The following ESPN variants were observed in gnomAD, a reference collection of about 807,000 sequenced individuals.
ESPN encodes the protein autosomal recessive deafness type 36 protein.
A neutral mutation model predicts 77.7 loss-of-function variants in ESPN; 68 were observed. The ratio of observed to expected loss-of-function variants is 0.87; its 90% confidence interval spans 0.72 to 1.07. The LOEUF (loss-of-function observed/expected upper bound fraction) is 1.07, where lower values mean the gene tolerates loss of function less well. ESPN is among the 50% of genes least tolerant of loss of function. The probability of loss-of-function intolerance (pLI) is 0.00; values close to 1 mark genes in which losing one functional copy is unlikely to be tolerated. For missense variants in ESPN, 1,060 were observed against 1,239.0 expected, an observed-to-expected ratio of 0.86 and a Z score of 2.17; for synonymous variants, 449 against 567.1, an observed-to-expected ratio of 0.79 and a Z score of 2.96.
chr1:6,455,672 C>G, intron 10 of ESPN: 1 of 399,126 alleles, frequency 2.5e-6, no homozygotes, highest in Non-Finnish European at 4.4e-6. Context: ...TCCAGCTACT[C>G]GAGATGGGCC....
chr1:6,438,054 G>A (rs1048642646), intron 2 of ESPN, among the ~76,000 whole-genome samples: 2 of 152,064 alleles, frequency 1.3e-5, no homozygotes, highest in African/African-American at 2.4e-5. Flanking sequence ...TGATCTAGGG[G>A]GTGAAACACT....
At chr1:6,444,361 G>C in intron 5 of ESPN, 120 bp from the exon 6 acceptor site, 1 of 935,790 alleles carries the variant, frequency 1.1e-6, no homozygotes, top group Non-Finnish European at 1.7e-6. Context: ...AGAGACCCCA[G>C]AGAGCGGTGT....
At chr1:6,439,956 C>T (rs986149017) in intron 2 of ESPN, among the ~76,000 whole-genome samples, 22 of 152,224 alleles carry the variant, frequency 1.4e-4, no homozygotes, top group Middle Eastern at 6.8e-3. Flanking sequence ...TTGCAGTGAG[C>T]CAAGATCGAG....
At chr1:6,440,545 G>GC (rs1200562935) in intron 3 of ESPN, 81 bp from the exon 4 acceptor site, 3 of 741,120 alleles carry the variant, frequency 4.0e-6, no homozygotes, top group Non-Finnish European at 5.4e-6. Context: ...GGGCGGGGGC[G>GC]GGCCACGGAG....
In ESPN at chr1:6,460,883, AC is replaced by A; in HGVS notation, c.*740del. ...TCTCCAACTGCTGCACCCCATCCCGACCCTGTCTCCGCCACCTCGCAGCCCC... is the reference window on the plus strand; with the variant it reads ...TCTCCAACTGCTGCACCCCATCCCGACCTGTCTCCGCCACCTCGCAGCCCC... On this transcript the variant is annotated 3_prime_UTR_variant, in exon 13 of 13. Transcript: ENST00000645284. 6.0e-6 allele frequency: 2 copies of A among 332,856 alleles called. No individual in the cohort carries two copies. Among genetic ancestry groups the A allele is most frequent in the Non-Finnish European group, 6.0e-6 (1 of 166,796 alleles). 20.6% of individuals were successfully genotyped at this position (332,856 alleles called of 1,614,324 possible).
In ESPN at chr1:6,428,285, G is replaced by A. The variant is rs1643113654; in HGVS notation, c.354G>A (p.Glu118=). ...LHLAARFGHP[E]VVNWLLHHGG... Reference sequence around the variant, plus strand: ...TGGCTGCCCGCTTCGGCCACCCCGAGGTGGTGAACTGGCTCTTGCATCATG... The same window carrying A: ...TGGCTGCCCGCTTCGGCCACCCCGAAGTGGTGAACTGGCTCTTGCATCATG... The change falls in exon 2 of 13, where the codon GAG becomes GAA. Residue 118 remains glutamate, a synonymous_variant. Coordinates refer to ENST00000645284, the MANE Select transcript of ESPN (RefSeq NM_031475.3). The surrounding 1 kb of genome is among the most constrained non-coding windows in gnomAD (Gnocchi z 5.4). 6.2e-7 allele frequency: 1 copy of A among 1,613,462 alleles called. No homozygotes were observed.
intron 2 of ESPN, among the ~76,000 whole-genome samples, chr1:6,430,256 T>C (rs1643192414): frequency 6.6e-6 from 1 of 152,142 alleles, no homozygotes; most frequent in African/African-American, 2.4e-5. Context: ...GGCTCAGCTC[T>C]CTCGCTGGCG....
intron 10 of ESPN, among the ~76,000 whole-genome samples, chr1:6,453,690 G>A (rs1195256271): frequency 1.3e-5 from 2 of 152,176 alleles, no homozygotes; most frequent in African/African-American, 4.8e-5. Flanking sequence ...CTGGGGAGCC[G>A]GGTGCGGGGA....
intron 2 of ESPN, among the ~76,000 whole-genome samples, chr1:6,435,860 G>A (rs1160703118): frequency 2.0e-5 from 3 of 152,216 alleles, no homozygotes; most frequent in African/African-American, 7.2e-5. Flanking sequence ...CTGTGCTCAG[G>A]GCTCTGCCAG....
intron 10 of ESPN, 105 bp downstream of exon 10, chr1:6,452,201 T>C (rs1643959664): frequency 3.9e-6 from 5 of 1,288,210 alleles, no homozygotes; most frequent in Non-Finnish European, 5.2e-6. Flanking sequence ...CCATTTTCTT[T>C]CTTTTTTTTT....
rs376555628 is a variant in ESPN at position 6,427,405 on chromosome 1, A to G, written c.295-821A>G. Reference sequence around the variant, plus strand: ...CCAGCCCCTTTCTCAGCAGACACACACAATGGGGTGTGCACTGATGACACA... The same window carrying G: ...CCAGCCCCTTTCTCAGCAGACACACGCAATGGGGTGTGCACTGATGACACA... On this transcript the variant is annotated intron_variant, in intron 1 of 12. Transcript: ENST00000645284. This position sits in a 1 kb window ranked among gnomAD's most constrained non-coding sequence, Gnocchi z 4.6. 2.0e-4 allele frequency among the ~76,000 whole-genome samples: 30 copies of G among 152,104 alleles called. No individual in the cohort carries two copies. The highest frequency in any genetic ancestry group is 6.0e-4 in the African/African-American group (25 of 41,424).
intron 1 of ESPN, among the ~76,000 whole-genome samples, chr1:6,425,743 C>A (rs1016723695): frequency 2.6e-5 from 4 of 152,248 alleles, no homozygotes; most frequent in Non-Finnish European, 4.4e-5. Flanking sequence ...CCCCATAACC[C>A]AGGCTGACCC....
Position 6,447,141 on chromosome 1 carries a change from C to CGT in ESPN, c.1464+1206_1464+1207insGT, listed in dbSNP as rs1387838343. 7 of 152,838 alleles carry CGT rather than the reference C, an allele frequency of 4.6e-5. No individual in the cohort carries two copies. Among genetic ancestry groups the CGT allele is most frequent in the African/African-American group, 1.7e-4 (7 of 40,864 alleles). The allele number at this position is 152,838 out of a possible 1,614,324, so 9.5% of individuals were successfully genotyped here. A position where few individuals can be genotyped will look rare whatever the true frequency, so the allele number is the denominator to read the frequency against. ...GTGGTCCCCTCCTGGCTGTGTGAGCCCCCTCCCGGCTGTGTGCGTCCCTCC... is the reference window on the plus strand; with the variant it reads ...GTGGTCCCCTCCTGGCTGTGTGAGCCGTCCCTCCCGGCTGTGTGCGTCCCTCC... On this transcript the variant is annotated intron_variant, in intron 7 of 12. Transcript: ENST00000645284. This position sits in a 1 kb window ranked among gnomAD's most constrained non-coding sequence, Gnocchi z 5.2.
intron 8 of ESPN, 78 bp downstream of exon 8, chr1:6,449,169 C>A: frequency 7.5e-7 from 1 of 1,341,990 alleles, no homozygotes; most frequent in South Asian, 1.6e-5. Context: ...CGCCCCCTCC[C>A]CAGCTGTCAC....
At chr1:6,438,107 G>A (rs1224490979) in intron 2 of ESPN, among the ~76,000 whole-genome samples, 2 of 152,114 alleles carry the variant, frequency 1.3e-5, no homozygotes, top group African/African-American at 4.8e-5. Flanking sequence ...GTGAAGAATT[G>A]GCCTCCTAAG....
intron 2 of ESPN, among the ~76,000 whole-genome samples, chr1:6,438,027 G>A (rs1186989310): frequency 3.9e-5 from 6 of 152,084 alleles, no homozygotes; most frequent in African/African-American, 1.2e-4. Context: ...GGATGAATGC[G>A]GGGTGGAGCA....
intron 1 of ESPN, 104 bp downstream of exon 1, chr1:6,425,353 C>T: frequency 1.5e-6 from 2 of 1,365,540 alleles, no homozygotes; most frequent in Non-Finnish European, 2.0e-6. Flanking sequence ...TTGGCACCTC[C>T]TGGCCCAGCT....
Position 6,452,076 on chromosome 1 carries a change from G to A in ESPN, c.2305G>A (p.Glu769Lys). 2 of 1,555,606 alleles carry A rather than the reference G, an allele frequency of 1.3e-6. No individual in the cohort carries two copies. Among genetic ancestry groups the A allele is most frequent in the Non-Finnish European group, 1.7e-6 (2 of 1,150,226 alleles). Reference protein sequence around the residue: ...VRKMQLKMQEEEEQRRKEEEE... With the variant: ...VRKMQLKMQEKEEQRRKEEEE... ...CAAGATGCAGCTGAAGATGCAGGAG[G>A]AGGAGGAGCAGAGGCGGAAGGTGGG... The change falls in exon 10 of 13, where the codon GAG becomes AAG. Residue 769 changes from glutamate to lysine, a missense_variant. Around this residue, in one of 3 missense-constraint regions of ESPN, gnomAD observed 374 missense variants for 381.4 expected, o/e 0.98. Coordinates refer to ENST00000645284, the MANE Select transcript of ESPN (RefSeq NM_031475.3).
chr1:6,444,793 C>A, intron 6 of ESPN, 111 bp downstream of exon 6: 1 of 1,255,272 alleles, frequency 8.0e-7, no homozygotes, highest in Non-Finnish European at 1.2e-6. Context: ...GGACACTACC[C>A]TCATCACTTG....
Sources: gnomAD v4.1 joint callset for allele counts (sites outside exome capture counted in the v4.1 genomes callset) on GRCh38, gnomAD v4.1.1 for gene constraint, gnomAD v4.1.1 regional missense constraint, Gnocchi (gnomAD v3.1) non-coding constraint, MANE v1.5 for transcripts, NCBI Gene and HGNC (gene_info 2026-07-23, HGNC 2026-07-21) for gene names.